USH2A: variants seen among roughly 807,000 people sequenced by gnomAD.
USH2A encodes Usher syndrome 2A (autosomal recessive, mild).
A neutral mutation model predicts 538.9 loss-of-function variants in USH2A; 443 were observed. The observed-to-expected ratio is 0.82, with a 90% CI of 0.76 to 0.89. USH2A has a LOEUF of 0.89. Among genes scored for constraint, USH2A ranks in the 40% least tolerant of loss-of-function variants. USH2A has a pLI of 0.00. For missense variants in USH2A, 6,633 were observed against 6,324.8 expected, an observed-to-expected ratio of 1.05 and a Z score of -1.65; for synonymous variants, 2,413 against 2,273.5, an observed-to-expected ratio of 1.06 and a Z score of -1.75.
intron 38 of USH2A, among the ~76,000 whole-genome samples, chr1:215,915,451 A>AT (rs1180528741): frequency 6.6e-6 from 1 of 151,998 alleles, no homozygotes. Flanking sequence ...TTTGAGGAGG[A>AT]TTTTTTGGAG....
chr1:216,415,651 G>T (rs115401165), intron 3 of USH2A, among the ~76,000 whole-genome samples: 1 of 151,606 alleles, frequency 6.6e-6, no homozygotes, highest in Admixed American at 6.6e-5. Context: ...CTCCTGAGTA[G>T]CTGGGTCTAC....
intron 61 of USH2A, among the ~76,000 whole-genome samples, chr1:215,686,193 T>C (rs1368118789): frequency 1.3e-5 from 2 of 152,126 alleles, no homozygotes; most frequent in Non-Finnish European, 2.9e-5. Context: ...GACTCTTGAC[T>C]CTGAGGAACT....
intron 3 of USH2A, among the ~76,000 whole-genome samples, chr1:216,380,669 A>G (rs1303214723): frequency 6.6e-6 from 1 of 152,180 alleles, no homozygotes; most frequent in Non-Finnish European, 1.5e-5. Flanking sequence ...TCTAAAACTA[A>G]TTAGAGTACT....
At chr1:215,702,965 T>C (rs4655416) in intron 61 of USH2A, among the ~76,000 whole-genome samples, 93,933 of 151,894 alleles carry the variant, frequency 0.62, 29,681 homozygotes, top group Middle Eastern at 0.72. Flanking sequence ...CCTTTATCTT[T>C]GATATTGGTG....
rs112331221 is a variant in USH2A at position 216,199,473 on chromosome 1, A to G, written c.3811+154T>C. Among the ~76,000 whole-genome samples the G allele has an allele frequency of 0.01, 1,567 of 152,336 alleles. 29 individuals carry two copies. The highest frequency in any genetic ancestry group is 0.036 in the African/African-American group (1,512 of 41,582). On this transcript the variant is annotated intron_variant, in intron 17 of 71. Coordinates refer to ENST00000307340, the MANE Select transcript of USH2A (RefSeq NM_206933.4). ...ATACACTTGTTCCACTAACCAGGAC[A>G]AATACTATCTTATATCTTTAGAAAC...
Position 216,078,329 on chromosome 1 carries a change from A to G in USH2A, c.5332T>C (p.Leu1778=). 2 of 1,613,718 alleles carry G rather than the reference A, an allele frequency of 1.2e-6. No homozygotes were observed. Among genetic ancestry groups the G allele is most frequent in the Non-Finnish European group, 1.7e-6 (2 of 1,179,706 alleles). The part of the protein sequence containing the change: ...ELKSGILTFR[L]NTSLAFTQVD... ...TGTGTAAAGGCAAGACTGGTATTTA[A>G]CCGGAAGGTCAATATTCCACTTTTC... is the stretch of plus-strand genomic sequence containing the variant. The change falls in exon 27 of 72, where the codon TTA becomes CTA. Residue 1778 remains leucine, a synonymous_variant. Transcript: ENST00000307340.
chr1:216,011,342 A>G (rs949465891), intron 32 of USH2A, among the ~76,000 whole-genome samples: 2 of 152,082 alleles, frequency 1.3e-5, no homozygotes, highest in Non-Finnish European at 2.9e-5. Context: ...GGCTCAGCAA[A>G]TTACCTGGGC....
At chr1:216,108,739 C>T (rs977709418) in intron 21 of USH2A, among the ~76,000 whole-genome samples, 6 of 152,084 alleles carry the variant, frequency 3.9e-5, no homozygotes, top group Admixed American at 1.3e-4. Flanking sequence ...TGCTATTATA[C>T]TTATCCAATA....
In USH2A at chr1:216,141,954, G is replaced by GAA. The variant is rs112639803; in HGVS notation, c.4627+33296_4627+33297dup. On this transcript the variant is annotated intron_variant, in intron 21 of 71. Coordinates refer to ENST00000307340, the MANE Select transcript of USH2A (RefSeq NM_206933.4). ...CCTCAGGAATCTGAAATTAGGAAAT[G>GAA]AAAAAAAAAAAAAAGGTAGGATTGA... Among the ~76,000 whole-genome samples, 1,133 of 131,614 alleles carry GAA rather than the reference G, an allele frequency of 8.6e-3. 17 individuals carry two copies. The highest frequency in any genetic ancestry group is 0.013 in the Non-Finnish European group (817 of 61,576). 86.3% of individuals were successfully genotyped at this position (131,614 alleles called of 152,430 possible).
rs745566865 is a variant in USH2A, at chr1:215,799,049, C to T, written c.9816G>A (p.Pro3272=). 7.0e-5 allele frequency: 113 copies of T among 1,613,954 alleles called. No homozygotes were observed. The highest frequency in any genetic ancestry group is 3.3e-4 in the Middle Eastern group (2 of 6,082). ...AAATCTGGTTTCCTGAGGTGGAGTA[C>T]GGCATTCTGCCACAGCAGGAATCAC... The part of the protein sequence containing the change: ...GIGDSCCGRM[P]YSTSGNQICC... The change falls in exon 50 of 72, where the codon CCG becomes CCA. Residue 3272 remains proline, a synonymous_variant. Coordinates refer to ENST00000307340, the MANE Select transcript of USH2A (RefSeq NM_206933.4).
Position 216,081,678 on chromosome 1 carries a change from G to A in USH2A, c.5298+1778C>T, listed in dbSNP as rs756579115. ...GCAATCACAGGTCACTGCAGCCTTC[G>A]ACTCCCAGTCTTCAGCAATCCTCTT... is the stretch of plus-strand genomic sequence containing the variant. On this transcript the variant is annotated intron_variant, in intron 26 of 71. Transcript: ENST00000307340. 3.3e-5 allele frequency among the ~76,000 whole-genome samples: 5 copies of A among 151,870 alleles called. No individual in the cohort carries two copies. In the East Asian group the frequency reaches 9.7e-4, roughly 29 times the overall value.
chr1:215,749,675 T>C (rs939794542), intron 58 of USH2A, among the ~76,000 whole-genome samples: 8 of 152,198 alleles, frequency 5.3e-5, no homozygotes, highest in Non-Finnish European at 1.0e-4. Context: ...CTTGGTTAGT[T>C]CCTGAGTTCA....
chr1:215,918,146 G>C (rs1287986231), intron 38 of USH2A, among the ~76,000 whole-genome samples: 2 of 152,084 alleles, frequency 1.3e-5, no homozygotes, highest in Non-Finnish European at 2.9e-5. Flanking sequence ...AATCAGAGCA[G>C]ATTGGTTATA....
chr1:215,624,003 G>A lies in USH2A; in HGVS notation c.*1778C>T, dbSNP rs1655905601. The stretch of plus-strand genomic sequence containing the variant: ...GAAGGTGGACACAGCCTTGGTTAAT[G>A]CTTATTTGTGCCAGCTTTAAACAAC... On this transcript the variant is annotated 3_prime_UTR_variant, in exon 72 of 72. Coordinates refer to ENST00000307340, the MANE Select transcript of USH2A (RefSeq NM_206933.4). The A allele has an allele frequency of 6.6e-6, 1 of 152,116 alleles. No individual in the cohort carries two copies. The highest frequency in any genetic ancestry group is 1.5e-5 in the Non-Finnish European group (1 of 68,008). 9.4% of individuals were successfully genotyped at this position (152,116 alleles called of 1,614,324 possible).
chr1:216,305,391 T>G (rs1238870399), intron 9 of USH2A, among the ~76,000 whole-genome samples: 1 of 152,132 alleles, frequency 6.6e-6, no homozygotes, highest in Non-Finnish European at 1.5e-5. Flanking sequence ...TACCTTAAGT[T>G]TATGTGAGTC....
chr1:216,079,979 A>G (rs2031882197), intron 26 of USH2A: 1 of 152,108 alleles, frequency 6.6e-6, no homozygotes, highest in African/African-American at 2.4e-5. Context: ...GTGTTCTGCC[A>G]TCATCACGTT....
intron 21 of USH2A, chr1:216,174,421 G>C: frequency 1.0e-6 from 1 of 985,152 alleles, no homozygotes. Context: ...AGAGGTCATG[G>C]GACTTCCAAA....
intron 21 of USH2A, among the ~76,000 whole-genome samples, chr1:216,155,388 C>T (rs2102623954): frequency 6.6e-6 from 1 of 152,274 alleles, no homozygotes; most frequent in South Asian, 2.1e-4. Context: ...TCCCCAATTG[C>T]TCCTATAGAT....
In USH2A at chr1:216,070,155, G is replaced by A. The variant is rs2031510120; in HGVS notation, c.5995C>T (p.Pro1999Ser). The A allele has an allele frequency of 6.2e-7, 1 of 1,613,910 alleles. No individual in the cohort carries two copies. The highest frequency in any genetic ancestry group is 1.7e-5 in the Admixed American group (1 of 59,988). ...GCACTGGCAGAGGGCATGCGGGGTG[G>A]ACGGGTGCTGTCCTCACTATAGGCT... Reference protein sequence around the residue: ...LKAYSEDSTRPPRMPSASAEF... With the variant: ...LKAYSEDSTRSPRMPSASAEF... The change falls in exon 30 of 72, where the codon CCA becomes TCA. Residue 1999 changes from proline (P) to serine (S), a missense_variant. Pro to Ser is a moderately conservative substitution (Grantham distance 74). Transcript: ENST00000307340.
Sources: gnomAD v4.1 joint callset for allele counts (sites outside exome capture counted in the v4.1 genomes callset) on GRCh38, gnomAD v4.1.1 for gene constraint, MANE v1.5 for transcripts, NCBI Gene and HGNC (gene_info 2026-07-23, HGNC 2026-07-21) for gene names.